The following AGBL4 variants were observed in gnomAD, a reference collection of about 807,000 sequenced individuals.
AGBL4 encodes AGBL carboxypeptidase 4.
AGBL4 carries 58 observed loss-of-function variants against 66.4 expected under a neutral mutation model. That is an observed-to-expected ratio of 0.87 (90% CI 0.71 to 1.09). The LOEUF (loss-of-function observed/expected upper bound fraction) is 1.09, where lower values mean the gene tolerates loss of function less well. AGBL4 is among the 50% of genes least tolerant of loss of function. The pLI, the probability that AGBL4 is intolerant of heterozygous loss-of-function variation, is 0.00. For synonymous variants in AGBL4, 234 were observed against 222.9 expected (o/e 1.05, Z -0.44); for missense variants, 579 against 631.0 (o/e 0.92, Z 0.88).
chr1:49,116,999 G>A (rs1569643325), intron 4 of AGBL4, among the ~76,000 whole-genome samples: 1 of 151,594 alleles, frequency 6.6e-6, no homozygotes, highest in East Asian at 1.9e-4. Flanking sequence ...TCATGTGTCT[G>A]TTGTCTGCAT....
chr1:49,497,408 T>C (rs1647701746), intron 3 of AGBL4, among the ~76,000 whole-genome samples: 1 of 151,992 alleles, frequency 6.6e-6, no homozygotes, highest in African/African-American at 2.4e-5. Flanking sequence ...TTGATGCCTG[T>C]GTTTTGGGGT....
intron 3 of AGBL4, among the ~76,000 whole-genome samples, chr1:49,354,797 C>T (rs1643985162): frequency 6.6e-6 from 1 of 152,088 alleles, no homozygotes; most frequent in Admixed American, 6.6e-5. Flanking sequence ...TAATATTAAA[C>T]ATTGAAACAA....
chr1:48,573,521 A>T (rs1367739150), intron 11 of AGBL4, among the ~76,000 whole-genome samples: 2 of 152,168 alleles, frequency 1.3e-5, no homozygotes, highest in African/African-American at 4.8e-5. Flanking sequence ...TTAGTCACAG[A>T]TCTTGACTGT....
intron 5 of AGBL4, among the ~76,000 whole-genome samples, chr1:48,884,978 TA>T (rs5742033): frequency 0.44 from 60,947 of 139,048 alleles, 14,768 homozygotes; most frequent in East Asian, 0.88. Flanking sequence ...GAGGCAGATT[TA>T]AAAAAAAAAA....
intron 3 of AGBL4, among the ~76,000 whole-genome samples, chr1:49,438,267 A>T (rs763710795): frequency 4.6e-5 from 7 of 152,192 alleles, no homozygotes; most frequent in Non-Finnish European, 8.8e-5. Context: ...CTCTCAAATA[A>T]ACCACTCCTT....
chr1:49,813,477 C>T (rs754439136), intron 2 of AGBL4, among the ~76,000 whole-genome samples: 2 of 152,092 alleles, frequency 1.3e-5, no homozygotes, highest in African/African-American at 4.8e-5. Flanking sequence ...TCTCCTGACA[C>T]CACTCTTTAT....
chr1:49,239,982 T>A (rs533499257), intron 4 of AGBL4, among the ~76,000 whole-genome samples: 23 of 152,026 alleles, frequency 1.5e-4, no homozygotes, highest in South Asian at 6.2e-4. Context: ...GAGAAAAAAT[T>A]AAGTATGACT....
chr1:49,750,492 T>C (rs1286964501), intron 2 of AGBL4, among the ~76,000 whole-genome samples: 1 of 152,202 alleles, frequency 6.6e-6, no homozygotes, highest in Admixed American at 6.5e-5. Context: ...TGGGTTACTG[T>C]AGTCTTGCAG....
intron 3 of AGBL4, among the ~76,000 whole-genome samples, chr1:49,671,414 G>A (rs1027643671): frequency 1.3e-5 from 2 of 151,966 alleles, no homozygotes; most frequent in African/African-American, 2.4e-5. Flanking sequence ...CATCCTGGAC[G>A]TGGGAACGGG....
intron 6 of AGBL4, among the ~76,000 whole-genome samples, chr1:48,678,531 T>C (rs1314291349): frequency 2.6e-5 from 4 of 152,166 alleles, no homozygotes; most frequent in African/African-American, 9.7e-5. Flanking sequence ...CCGGGCCAGA[T>C]TGGGATCTTA....
chr1:49,382,457 A>C (rs764396113), intron 3 of AGBL4, among the ~76,000 whole-genome samples: 2 of 152,152 alleles, frequency 1.3e-5, no homozygotes, highest in Non-Finnish European at 2.9e-5. Context: ...GACAAAATTC[A>C]ATACCCTTTC....
intron 5 of AGBL4, among the ~76,000 whole-genome samples, chr1:49,005,427 C>G (rs1417800554): frequency 2.0e-5 from 3 of 152,200 alleles, no homozygotes; most frequent in African/African-American, 7.2e-5. Flanking sequence ...CCACATAGGA[C>G]TTGAATTATT....
chr1:49,340,597 T>G (rs1645520049), intron 3 of AGBL4, among the ~76,000 whole-genome samples: 1 of 152,180 alleles, frequency 6.6e-6, no homozygotes, highest in Admixed American at 6.5e-5. Context: ...CTCCTTTTCA[T>G]ACATACCGCC....
chr1:49,419,510 A>T (rs553244482), intron 3 of AGBL4, among the ~76,000 whole-genome samples: 1 of 152,258 alleles, frequency 6.6e-6, no homozygotes, highest in East Asian at 1.9e-4. Flanking sequence ...ATGAAAAAAA[A>T]TATTTTCTGG....
At chr1:49,917,988 G>A (rs1170481942) in intron 1 of AGBL4, among the ~76,000 whole-genome samples, 1 of 151,992 alleles carries the variant, frequency 6.6e-6, no homozygotes, top group African/African-American at 2.4e-5. Flanking sequence ...ATGACTACTG[G>A]GTACATAACG....
intron 3 of AGBL4, among the ~76,000 whole-genome samples, chr1:49,372,575 G>C (rs1226775946): frequency 6.6e-6 from 1 of 151,606 alleles, no homozygotes; most frequent in Admixed American, 6.6e-5. Context: ...TTAAAGCCCA[G>C]TTCAATCTTT....
At chr1:49,887,212 TTG>T (rs1392854091) in intron 1 of AGBL4, among the ~76,000 whole-genome samples, 1 of 149,560 alleles carries the variant, frequency 6.7e-6, no homozygotes, top group Non-Finnish European at 1.5e-5. Flanking sequence ...TATATATACA[TTG>T]TGTGTATATA....
At chr1:49,263,983 TAGAG>T (rs1302450716) in intron 3 of AGBL4, among the ~76,000 whole-genome samples, 1 of 152,150 alleles carries the variant, frequency 6.6e-6, no homozygotes, top group Non-Finnish European at 1.5e-5. Context: ...TTTATCAACA[TAGAG>T]AAACTTCCAA....
chr1:49,262,466 AC>A (rs1422752157), intron 3 of AGBL4, among the ~76,000 whole-genome samples: 1 of 152,180 alleles, frequency 6.6e-6, no homozygotes, highest in Non-Finnish European at 1.5e-5. Context: ...CAAGAAAAAA[AC>A]AAACAACCCC....
Sources: gnomAD v4.1 joint callset for allele counts (sites outside exome capture counted in the v4.1 genomes callset) on GRCh38, gnomAD v4.1.1 for gene constraint, MANE v1.5 for transcripts, NCBI Gene and HGNC (gene_info 2026-07-23, HGNC 2026-07-21) for gene names.